The following ZNF831 variants were observed in gnomAD, a reference collection of about 807,000 sequenced individuals.
The protein encoded by ZNF831 is zinc finger protein 831, also known as chromosome 20 open reading frame 174.
A neutral mutation model predicts 95.8 loss-of-function variants in ZNF831; 59 were observed. That is an observed-to-expected ratio of 0.62 (90% CI 0.50 to 0.77). The LOEUF is 0.77. ZNF831 is among the 30% of genes least tolerant of loss of function. ZNF831 has a pLI of 0.00. For missense variants in ZNF831, 2,205 were observed against 2,164.0 expected (o/e 1.02, Z -0.38); for synonymous variants, 961 against 925.5 (o/e 1.04, Z -0.70).
chr20:59,237,947 A>G (rs1163079831), intron 4 of ZNF831, among the ~76,000 whole-genome samples: 1 of 152,188 alleles, frequency 6.6e-6, no homozygotes, highest in East Asian at 1.9e-4. Flanking sequence ...AAATAAAAAT[A>G]CAGAACTCCC....
chr20:59,200,934 C>T (rs1366785803), intron 3 of ZNF831, among the ~76,000 whole-genome samples: 3 of 152,032 alleles, frequency 2.0e-5, no homozygotes, highest in Non-Finnish European at 4.4e-5. Context: ...AATAAAATGA[C>T]TATAAATATT....
Position 59,193,722 on chromosome 20 carries a change from C to A in ZNF831, c.2703C>A (p.Asp901Glu), listed in dbSNP as rs2146588194. ...SVALKRVGPR[D>E]KATPLHPAAP... ...CCCTGAAGAGGGTGGGGCCAAGGGA[C>A]AAGGCTACCCCACTGCATCCTGCAG... The change falls in exon 2 of 6, where the codon GAC (aspartate) becomes GAA (glutamate). Residue 901 changes from aspartate (D) to glutamate (E), a missense_variant. Coordinates refer to ENST00000371030, the MANE Select transcript of ZNF831 (RefSeq NM_178457.3). 6.2e-7 allele frequency: 1 copy of A among 1,611,730 alleles called. No homozygotes were observed.
chr20:59,147,653 T>G (rs1979949323), intron 2 of ZNF831, among the ~76,000 whole-genome samples: 1 of 152,186 alleles, frequency 6.6e-6, no homozygotes, highest in Admixed American at 6.5e-5. Context: ...GAGGCCCCCC[T>G]CATCTCCAAA....
chr20:59,212,417 C>T (rs569127018), intron 4 of ZNF831, among the ~76,000 whole-genome samples: 18 of 152,222 alleles, frequency 1.2e-4, no homozygotes, highest in African/African-American at 2.6e-4. Flanking sequence ...ATCCTAAATC[C>T]GGTAGTCCAT....
intron 3 of ZNF831, among the ~76,000 whole-genome samples, chr20:59,203,308 T>C (rs2146628040): frequency 6.6e-6 from 1 of 152,328 alleles, no homozygotes; most frequent in East Asian, 1.9e-4. Context: ...GCATTATTTA[T>C]ATACATATAT....
chr20:59,124,847 C>T (rs1006699419), intron 1 of ZNF831, among the ~76,000 whole-genome samples: 3 of 152,312 alleles, frequency 2.0e-5, no homozygotes, highest in African/African-American at 7.2e-5. Flanking sequence ...TAGTTGGTTT[C>T]GGTGTCCACC....
rs2146564852 is a variant in ZNF831, at chr20:59,192,392, C to G, written c.1373C>G (p.Ala458Gly). 6.2e-7 allele frequency: 1 copy of G among 1,612,146 alleles called. No individual in the cohort carries two copies. The highest frequency in any genetic ancestry group is 8.5e-7 in the Non-Finnish European group (1 of 1,179,542). ...YKDSFHFDIR[A>G]LEPGRRRAPG... Reference sequence around the variant, plus strand: ...GACTCCTTCCACTTTGACATCCGCGCGCTGGAGCCAGGCCGTAGGAGGGCC... The same window carrying G: ...GACTCCTTCCACTTTGACATCCGCGGGCTGGAGCCAGGCCGTAGGAGGGCC... Residue 458 changes from alanine to glycine, a missense_variant, in exon 2 of 6, where the codon GCG becomes GGG. Transcript: ENST00000371030. This position sits in a 1 kb window ranked among gnomAD's most constrained non-coding sequence, Gnocchi z 5.2.
intron 4 of ZNF831, among the ~76,000 whole-genome samples, chr20:59,236,070 C>T (rs1334962713): frequency 2.0e-5 from 3 of 152,152 alleles, no homozygotes; most frequent in Non-Finnish European, 2.9e-5. Flanking sequence ...TCTGTCAGTC[C>T]CTTGCCTTCT....
intron 4 of ZNF831, among the ~76,000 whole-genome samples, chr20:59,211,396 A>C (rs1985321218): frequency 6.6e-6 from 1 of 152,254 alleles, no homozygotes; most frequent in African/African-American, 2.4e-5. Context: ...AGCCCAGAGA[A>C]TATCAATCAC....
chr20:59,199,739 A>G (rs1026085362), intron 3 of ZNF831, among the ~76,000 whole-genome samples: 6 of 152,142 alleles, frequency 3.9e-5, no homozygotes, highest in African/African-American at 1.4e-4. Context: ...TACTGCAAAT[A>G]TGTTTCCAAG....
chr20:59,225,197 G>A (rs1366583776), intron 4 of ZNF831, among the ~76,000 whole-genome samples: 1 of 152,146 alleles, frequency 6.6e-6, no homozygotes, highest in Non-Finnish European at 1.5e-5. Flanking sequence ...CTGCATTAAA[G>A]CTAAGAAAAC....
At chr20:59,139,027 C>T (rs531000735) in intron 1 of ZNF831, among the ~76,000 whole-genome samples, 3 of 152,006 alleles carry the variant, frequency 2.0e-5, no homozygotes, top group East Asian at 3.9e-4. Flanking sequence ...TTTTTGACAG[C>T]GGTTACTGCC....
chr20:59,212,778 C>G (rs1033837787), intron 4 of ZNF831, among the ~76,000 whole-genome samples: 1 of 152,156 alleles, frequency 6.6e-6, no homozygotes, highest in Non-Finnish European at 1.5e-5. Context: ...GAGAACTTTC[C>G]CTAATAGACT....
At chr20:59,158,004 C>A (rs774524467) in intron 2 of ZNF831, among the ~76,000 whole-genome samples, 16 of 152,150 alleles carry the variant, frequency 1.1e-4, no homozygotes, top group African/African-American at 1.9e-4. Flanking sequence ...TGGGTGACAC[C>A]AAAGAAATCA....
At chr20:59,163,017 GT>G (rs1568732547), upstream of ZNF831, among the ~76,000 whole-genome samples, 10 of 94,058 alleles carry the variant, frequency 1.1e-4, no homozygotes, top group East Asian at 4.7e-4. Context: ...ATTCCTAGGT[GT>G]GTGTGTGTGT....
rs149241148 is a variant in ZNF831, at chr20:59,139,806, G to A, written c.-1424-6425G>A. Among the ~76,000 whole-genome samples, 231 of 152,268 alleles carry A rather than the reference G, an allele frequency of 1.5e-3. 2 individuals are homozygous for A. The East Asian group carries it at 0.021, about 14-fold the overall frequency. ...TTTATGGATTCTTTGAAGAAATGCC[G>A]TATAATCAGTGCTCGTGGATGAATG... On this transcript the variant is annotated intron_variant, in intron 1 of 7. Transcript: ENST00000637017.
chr20:59,216,487 G>C (rs911494589), intron 4 of ZNF831, among the ~76,000 whole-genome samples: 2 of 152,242 alleles, frequency 1.3e-5, no homozygotes, highest in East Asian at 3.9e-4. Flanking sequence ...GCGTGATCTC[G>C]GCTCACTGCA....
At chr20:59,166,078 G>C (rs909039532) in intron 1 of ZNF831, among the ~76,000 whole-genome samples, 1 of 152,176 alleles carries the variant, frequency 6.6e-6, no homozygotes. Context: ...TGATCACTTT[G>C]TATTCATAGC....
At chr20:59,198,501 G>A (rs1429174313) in intron 3 of ZNF831, among the ~76,000 whole-genome samples, 3 of 152,178 alleles carry the variant, frequency 2.0e-5, no homozygotes, top group Admixed American at 6.5e-5. Context: ...GCCTCTCTCA[G>A]TTATGCTCTC....
Sources: allele counts gnomAD v4.1 joint callset (sites outside exome capture counted in the v4.1 genomes callset), GRCh38; gene constraint gnomAD v4.1.1; non-coding constraint Gnocchi (gnomAD v3.1); transcripts MANE v1.5; gene names NCBI Gene and HGNC (gene_info 2026-07-23, HGNC 2026-07-21).